Variants in PLEKHA5 observed in about 807,000 individuals in gnomAD.
PLEKHA5 encodes the protein pleckstrin homology domain containing A5, also known as pleckstrin homology domain-containing family A member 5.
A neutral mutation model predicts 181.9 loss-of-function variants in PLEKHA5; 55 were observed. The observed-to-expected ratio is 0.30, with a 90% CI of 0.24 to 0.38. PLEKHA5 has a LOEUF of 0.38. PLEKHA5 is among the 10% of genes least tolerant of loss of function. The pLI, the probability that PLEKHA5 is intolerant of heterozygous loss-of-function variation, is 1.00. For synonymous variants in PLEKHA5, 535 were observed against 529.4 expected, an observed-to-expected ratio of 1.01 and a Z score of -0.15; for missense variants, 1,432 against 1,549.5, an observed-to-expected ratio of 0.92 and a Z score of 1.27.
At chr12:19,170,439 T>C (rs1201596546) in intron 3 of PLEKHA5, among the ~76,000 whole-genome samples, 1 of 152,018 alleles carries the variant, frequency 6.6e-6, no homozygotes, top group Non-Finnish European at 1.5e-5. Context: ...TTTTTTTTTT[T>C]TTTTGGAGAC....
intron 15 of PLEKHA5, among the ~76,000 whole-genome samples, chr12:19,293,819 TA>T (rs893553790): frequency 3.9e-5 from 6 of 152,138 alleles, no homozygotes; most frequent in Non-Finnish European, 8.8e-5. Context: ...GATTGTGTTT[TA>T]TCCCTTTACC....
At chr12:19,164,987 C>G (rs1282710740) in intron 3 of PLEKHA5, among the ~76,000 whole-genome samples, 1 of 152,058 alleles carries the variant, frequency 6.6e-6, no homozygotes, top group East Asian at 1.9e-4. Context: ...CTCCTCAAAG[C>G]AAGCAACCAA....
In PLEKHA5 at chr12:19,262,021, T is replaced by C. The variant is rs547721229; in HGVS notation, c.610+1000T>C. ...GATGTTCCTTAGGCTGCAATTGCGGTGTTGTCTTTAGTTAAATGCTAAGCT... is the reference window on the plus strand; with the variant it reads ...GATGTTCCTTAGGCTGCAATTGCGGCGTTGTCTTTAGTTAAATGCTAAGCT... On this transcript the variant is annotated intron_variant, in intron 7 of 31. Transcript: ENST00000429027. 7.9e-5 allele frequency among the ~76,000 whole-genome samples: 12 copies of C among 152,260 alleles called. 1 individual carries two copies. The highest frequency in any genetic ancestry group is 5.2e-4 in the Admixed American group (8 of 15,278).
intron 10 of PLEKHA5, among the ~76,000 whole-genome samples, chr12:19,272,642 GGGAAGGATCACTTGA>G (rs1270152648): frequency 1.3e-5 from 2 of 151,954 alleles, no homozygotes; most frequent in Admixed American, 1.3e-4. Context: ...GAGGCTGAGA[GGGAAGGATCACTTGA>G]GCCCAGAAAG....
chr12:19,132,894 AC>A lies in PLEKHA5; in HGVS notation c.227+445del, dbSNP rs1247425612. ...GATTATCTGTGCTGAGAGATAACAA[AC>A]AAAAAAAAATCTGAGTTACGTGAAC... is the stretch of plus-strand genomic sequence containing the variant. On this transcript the variant is annotated intron_variant, in intron 3 of 31. Transcript: ENST00000429027. 4.1e-4 allele frequency among the ~76,000 whole-genome samples: 61 copies of A among 148,426 alleles called. 1 individual carries two copies. The highest frequency in any genetic ancestry group is 1.4e-3 in the African/African-American group (58 of 40,354).
intron 3 of PLEKHA5, among the ~76,000 whole-genome samples, chr12:19,160,048 C>T (rs2151459725): frequency 6.6e-6 from 1 of 152,118 alleles, no homozygotes; most frequent in East Asian, 1.9e-4. Context: ...CCCCATATAG[C>T]TCTCATTTTA....
At chr12:19,193,646 A>G (rs1008324775) in intron 3 of PLEKHA5, among the ~76,000 whole-genome samples, 2 of 152,176 alleles carry the variant, frequency 1.3e-5, no homozygotes, top group African/African-American at 2.4e-5. Context: ...CATCGTACCT[A>G]CGAAGCAACC....
rs181595221 is a variant in PLEKHA5 at position 19,313,381 on chromosome 12, T to C, written c.2038-1433T>C. Among the ~76,000 whole-genome samples the C allele has an allele frequency of 2.2e-3, 342 of 152,240 alleles. 1 individual carries two copies. The highest frequency in any genetic ancestry group is 3.2e-3 in the Non-Finnish European group (215 of 68,014). On this transcript the variant is annotated intron_variant, in intron 15 of 31. Coordinates refer to ENST00000429027, the MANE Select transcript of PLEKHA5 (RefSeq NM_001256470.2). ...CAGATCACCGTAACACTTAAGAATT[T>C]TTTGTTTAACTGATGTGTTGTTCCA...
At chr12:19,197,676 CTGTGTGTGTGTGTGTG>C (rs3056412) in intron 3 of PLEKHA5, among the ~76,000 whole-genome samples, 298 of 111,016 alleles carry the variant, frequency 2.7e-3, no homozygotes, top group Admixed American at 6.1e-3. Context: ...CTATCCGGTG[CTGTGTGTGTGTGTGTG>C]TGTGTGTGTG....
chr12:19,325,650 T>C (rs955353485), intron 20 of PLEKHA5, among the ~76,000 whole-genome samples: 13 of 149,244 alleles, frequency 8.7e-5, no homozygotes, highest in Non-Finnish European at 1.8e-4. Flanking sequence ...ATCGTGCCAT[T>C]GCACTCCAGC....
intron 3 of PLEKHA5, among the ~76,000 whole-genome samples, chr12:19,242,012 T>G (rs1470744880): frequency 6.6e-6 from 1 of 152,158 alleles, no homozygotes; most frequent in Non-Finnish European, 1.5e-5. Flanking sequence ...TAAGTTCAGA[T>G]TCACTCAAAT....
intron 20 of PLEKHA5, among the ~76,000 whole-genome samples, chr12:19,325,179 C>T (rs764187651): frequency 1.3e-5 from 2 of 151,960 alleles, no homozygotes; most frequent in African/African-American, 2.4e-5. Flanking sequence ...ATTGCTTGGG[C>T]CCAGGAGTTT....
intron 7 of PLEKHA5, among the ~76,000 whole-genome samples, chr12:19,264,685 C>T (rs531066437): frequency 4.6e-5 from 7 of 152,246 alleles, no homozygotes; most frequent in Admixed American, 3.3e-4. Context: ...AAAAAGCCTC[C>T]ATTTAATGTA....
chr12:19,147,088 A>G (rs1039982496), intron 3 of PLEKHA5: 1 of 152,168 alleles, frequency 6.6e-6, no homozygotes, highest in African/African-American at 2.4e-5. Context: ...CCTCAATATC[A>G]TTTATGCTGA....
chr12:19,201,510 C>G (rs889644729), intron 3 of PLEKHA5: 1 of 151,972 alleles, frequency 6.6e-6, no homozygotes, highest in Admixed American at 6.6e-5. Context: ...CGTGTGCACA[C>G]AAAGATCTGT....
intron 3 of PLEKHA5, among the ~76,000 whole-genome samples, chr12:19,231,458 A>C (rs980521992): frequency 8.3e-6 from 1 of 120,514 alleles, no homozygotes; most frequent in East Asian, 2.2e-4. Flanking sequence ...GTCCATTTTA[A>C]GAAATGTATA....
In PLEKHA5 at chr12:19,323,847, T is replaced by G. The variant is rs558854010; in HGVS notation, c.2448+1180T>G. Among the ~76,000 whole-genome samples, 43 of 149,804 alleles carry G rather than the reference T, an allele frequency of 2.9e-4. No individual in the cohort carries two copies. In the South Asian group the frequency reaches 9.1e-3, roughly 32 times the overall value. ...AAAAAAAAAAAGAAAGAAATGTACG[T>G]AACAGAACCGTGTAACTCATAGTCA... is the stretch of plus-strand genomic sequence containing the variant. On this transcript the variant is annotated intron_variant, in intron 20 of 31. Coordinates refer to ENST00000429027, the MANE Select transcript of PLEKHA5 (RefSeq NM_001256470.2).
At chr12:19,306,395 G>T (rs1178752003) in intron 15 of PLEKHA5, 1 of 537,290 alleles carries the variant, frequency 1.9e-6, no homozygotes, top group Non-Finnish European at 3.6e-6. Context: ...CCCGCGGCGT[G>T]CAGTGGGGTA....
At chr12:19,321,574 T>C (rs577949318) in intron 18 of PLEKHA5, 2 of 148,824 alleles carry the variant, frequency 1.3e-5, no homozygotes, top group African/African-American at 4.9e-5. Flanking sequence ...GGTTTTGCCA[T>C]GTTAGCCAGG....
Sources: gnomAD v4.1 joint callset for allele counts (sites outside exome capture counted in the v4.1 genomes callset) on GRCh38, gnomAD v4.1.1 for gene constraint, MANE v1.5 for transcripts, NCBI Gene and HGNC (gene_info 2026-07-23, HGNC 2026-07-21) for gene names.